Variants in MEGF8 observed in about 807,000 individuals in gnomAD.
MEGF8 encodes the protein multiple EGF like domains 8, also known as multiple epidermal growth factor-like domains protein 8.
MEGF8 carries 156 observed loss-of-function variants against 302.9 expected under a neutral mutation model. The observed-to-expected ratio is 0.52, with a 90% CI of 0.45 to 0.59. MEGF8 has a LOEUF of 0.59. Ranked by LOEUF, MEGF8 falls within the 20% of genes least tolerant of loss-of-function variation. The pLI, the probability that MEGF8 is intolerant of heterozygous loss-of-function variation, is 0.00. For missense variants in MEGF8, 3,345 were observed against 3,964.5 expected (o/e 0.84, Z 4.20); for synonymous variants, 1,621 against 1,660.5 (o/e 0.98, Z 0.58).
chr19:42,337,247 C>G (rs752533241), intron 8 of MEGF8, 41 bp downstream of exon 8: 3 of 1,610,956 alleles, frequency 1.9e-6, no homozygotes, highest in Non-Finnish European at 2.5e-6. Flanking sequence ...CCTGAGGGTC[C>G]CACCTCTCTC....
At chr19:42,363,896 G>A (rs2039568137) in intron 35 of MEGF8, among the ~76,000 whole-genome samples, 1 of 152,170 alleles carries the variant, frequency 6.6e-6, no homozygotes, top group South Asian at 2.1e-4. Context: ...AACACACATG[G>A]CCTCAGATTG....
Position 42,351,200 on chromosome 19 carries a change from C to G in MEGF8, c.2737-16C>G. 1 of 1,550,292 alleles carries G rather than the reference C, an allele frequency of 6.5e-7. No individual in the cohort carries two copies. On this transcript the variant is annotated splice_polypyrimidine_tract_variant and intron_variant, in intron 15 of 41. Transcript: ENST00000251268. The surrounding 1 kb of genome is among the most constrained non-coding windows in gnomAD (Gnocchi z 5.6). ...GCTGAGTGGGGTTCTGACTCCTCTG[C>G]CCAACTGACCCCCAGGACCCCTTCT...
At position 42,360,882 on chromosome 19, in the gene MEGF8, C is replaced by T. The variant is rs761380156; in HGVS notation, c.5596C>T (p.Arg1866Cys). Reference protein sequence around the residue: ...SGGFGGVALGRLLALTLPPDP... With the variant: ...SGGFGGVALGCLLALTLPPDP... ...GGGTTTCGGGGGAGTGGCCCTGGGC[C>T]GCCTGCTGGCACTGACCCTGCCCCC... Residue 1866 changes from arginine to cysteine, a missense_variant, in exon 32 of 42, where the codon CGC becomes TGC. Coordinates refer to ENST00000251268, the MANE Select transcript of MEGF8 (RefSeq NM_001271938.2). 1.4e-5 allele frequency: 23 copies of T among 1,613,348 alleles called. No individual in the cohort carries two copies. The highest frequency in any genetic ancestry group is 2.2e-5 in the East Asian group (1 of 44,896).
chr19:42,370,662 C>G, intron 39 of MEGF8, 39 bp from the exon 40 acceptor site: 1 of 1,576,004 alleles, frequency 6.3e-7, no homozygotes, highest in Non-Finnish European at 8.6e-7. Context: ...GGGGGTTGGT[C>G]CAGGCCTTTC....
chr19:42,337,409 A>G (rs1362808557), intron 8 of MEGF8, among the ~76,000 whole-genome samples: 3 of 152,262 alleles, frequency 2.0e-5, no homozygotes, highest in Admixed American at 6.5e-5. Flanking sequence ...GCAGTATCCA[A>G]TGTGGGTTCC....
At position 42,370,341 on chromosome 19, in the gene MEGF8, C is replaced by T; in HGVS notation, c.6987C>T (p.Tyr2329=). ...LQMSKGEPKK[Y]SLDPEEIENW... is the part of the protein sequence containing the mutation. ...TGTCCAAGGGAGAGCCAAAGAAGTA[C>T]TCACTGGACCCAGAGGAGGTGAAAG... The change falls in exon 39 of 42, where the codon TAC becomes TAT. Residue 2329 remains tyrosine, a synonymous_variant. Transcript: ENST00000251268. 6.3e-7 allele frequency: 1 copy of T among 1,586,260 alleles called. No homozygotes were observed. Among genetic ancestry groups the T allele is most frequent in the Non-Finnish European group, 8.6e-7 (1 of 1,165,884 alleles).
intron 8 of MEGF8, among the ~76,000 whole-genome samples, chr19:42,338,205 C>G (rs1183068849): frequency 1.3e-5 from 2 of 151,128 alleles, no homozygotes; most frequent in African/African-American, 4.9e-5. Flanking sequence ...TTTCATCACC[C>G]AGGTATTAAG....
In MEGF8 at chr19:42,348,463, G is replaced by A. The variant is rs770361673; in HGVS notation, c.2289G>A (p.Thr763=). The A allele has an allele frequency of 7.2e-6, 11 of 1,519,116 alleles. No individual in the cohort carries two copies. Among genetic ancestry groups the A allele is most frequent in the South Asian group, 7.2e-5 (6 of 83,036 alleles). 94.1% of individuals were successfully genotyped at this position (1,519,116 alleles called of 1,614,324 possible). Residue 763 remains threonine (T), a synonymous_variant, in exon 13 of 42, where the codon ACG becomes ACA. Transcript: ENST00000251268. ...CCCGGATGGCCCGTGGCCCTGACAC[G>A]GAGAACATGGTGAGGCCGCCTGGGA... The part of the protein sequence containing the change: ...VLARMARGPD[T]ENMEEVGRWV...
At position 42,359,230 on chromosome 19, in the gene MEGF8, C is replaced by A; in HGVS notation, c.5476C>A (p.Pro1826Thr). The A allele has an allele frequency of 6.4e-7, 1 of 1,570,094 alleles. No homozygotes were observed. The highest frequency in any genetic ancestry group is 1.2e-5 in the South Asian group (1 of 85,878). Residue 1826 changes from proline (P) to threonine (T), a missense_variant, in exon 31 of 42, where the codon CCC becomes ACC. Pro to Thr is a conservative substitution (Grantham distance 38, BLOSUM62 -1). Transcript: ENST00000251268. ...GGTCAACTGCAATGCCTGGCTTCTG[C>A]CCGACCTCACCCGTAAGTCCCCATT... ...YQVNCNAWLL[P>T]DLTRSASVGP...
Position 42,368,990 on chromosome 19 carries a change from A to G in MEGF8, c.6629A>G (p.Tyr2210Cys). The G allele has an allele frequency of 3.7e-6, 6 of 1,613,636 alleles. No individual in the cohort carries two copies. The highest frequency in any genetic ancestry group is 5.1e-6 in the Non-Finnish European group (6 of 1,179,860). ...TATGAGTGCAGCTGCAAGACCGGCTATACCATGGACAAGTGAGGCCGCAGG... is the reference window on the plus strand; with the variant it reads ...TATGAGTGCAGCTGCAAGACCGGCTGTACCATGGACAAGTGAGGCCGCAGG... ...HGYECSCKTGYTMDNMTGLCR... is the reference protein window; with the variant it reads ...HGYECSCKTGCTMDNMTGLCR... Residue 2210 changes from tyrosine (Y) to cysteine (C), a missense_variant, in exon 37 of 42, where the codon TAT (tyrosine) becomes TGT (cysteine). By Grantham distance (194) the Tyr-to-Cys change is radical. Coordinates refer to ENST00000251268, the MANE Select transcript of MEGF8 (RefSeq NM_001271938.2). The surrounding 1 kb of genome is among the most constrained non-coding windows in gnomAD (Gnocchi z 4.9).
chr19:42,358,195 T>A lies in MEGF8; in HGVS notation c.5063T>A (p.Val1688Glu), dbSNP rs1184120440. 3 of 1,602,914 alleles carry A rather than the reference T, an allele frequency of 1.9e-6. No homozygotes were observed. The highest frequency in any genetic ancestry group is 2.6e-6 in the Non-Finnish European group (3 of 1,175,232). ...VYHEATDSLY[V>E]FGGFRFHVEL... ...CACGAGGCCACCGACTCCCTCTACG[T>A]GTTTGGGGGGTTCCGATTCCATGTG... The change falls in exon 29 of 42, where the codon GTG (valine) becomes GAG (glutamate). Residue 1688 changes from valine to glutamate, a missense_variant. Val to Glu is a moderately radical substitution (Grantham distance 121, BLOSUM62 -2). Coordinates refer to ENST00000251268, the MANE Select transcript of MEGF8 (RefSeq NM_001271938.2). This position sits in a 1 kb window ranked among gnomAD's most constrained non-coding sequence, Gnocchi z 4.4.
At position 42,368,753 on chromosome 19, in the gene MEGF8, G is replaced by T. The variant is rs181392880; in HGVS notation, c.6482-90G>T. The stretch of plus-strand genomic sequence containing the variant: ...TAGGGATACTGGGCCAGACCCAGAG[G>T]TGGGGCTCAGAGGAGGCAGGAGGGA... On this transcript the variant is annotated intron_variant, in intron 36 of 41. Coordinates refer to ENST00000251268, the MANE Select transcript of MEGF8 (RefSeq NM_001271938.2). This position sits in a 1 kb window ranked among gnomAD's most constrained non-coding sequence, Gnocchi z 4.9. 1 of 1,557,984 alleles carries T rather than the reference G, an allele frequency of 6.4e-7. No homozygotes were observed. The highest frequency in any genetic ancestry group is 1.2e-5 in the South Asian group (1 of 82,042).
intron 33 of MEGF8, 81 bp downstream of exon 33, chr19:42,362,294 C>T (rs2039543125): frequency 6.2e-7 from 1 of 1,609,260 alleles, no homozygotes; most frequent in Non-Finnish European, 8.5e-7. Context: ...TCAGCTGTCC[C>T]ACCCACCCCA....
chr19:42,336,274 G>T lies in MEGF8; in HGVS notation c.1172G>T (p.Gly391Val). ...PAGGRPPAATGHSMVFHAPSR... is the reference protein window; with the variant it reads ...PAGGRPPAATVHSMVFHAPSR... The stretch of plus-strand genomic sequence containing the variant: ...GGCGGACGGCCCCCTGCTGCCACTG[G>T]CCACTCCATGGTGTTCCATGCCCCC... Residue 391 changes from glycine (G) to valine (V), a missense_variant, in exon 6 of 42, where the codon GGC (glycine) becomes GTC (valine). Gly to Val is a moderately radical substitution (Grantham distance 109). Coordinates refer to ENST00000251268, the MANE Select transcript of MEGF8 (RefSeq NM_001271938.2). The surrounding 1 kb of genome is among the most constrained non-coding windows in gnomAD (Gnocchi z 4.8). 1 of 1,608,064 alleles carries T rather than the reference G, an allele frequency of 6.2e-7. No homozygotes were observed.
Position 42,351,657 on chromosome 19 carries a change from G to C in MEGF8, c.2997G>C (p.Ser999=), listed in dbSNP as rs752338645. The change falls in exon 18 of 42, where the codon TCG becomes TCC. Residue 999 remains serine, a synonymous_variant. Transcript: ENST00000251268. This position sits in a 1 kb window ranked among gnomAD's most constrained non-coding sequence, Gnocchi z 5.6. ...GCRGWDDSVH[S]EPRCRSCDGF... ...CCCTGCCATCCTGCAGTGTACACTCGGAGCCACGGTGCCGGAGCTGCGATG... is the reference window on the plus strand; with the variant it reads ...CCCTGCCATCCTGCAGTGTACACTCCGAGCCACGGTGCCGGAGCTGCGATG... The C allele has an allele frequency of 6.3e-6, 10 of 1,589,920 alleles. No individual in the cohort carries two copies. The East Asian group carries it at 2.1e-4, about 33-fold the overall frequency.
rs1312020324 is a variant in MEGF8 at position 42,370,174 on chromosome 19, G to A, written c.6835-15G>A. On this transcript the variant is annotated splice_polypyrimidine_tract_variant and intron_variant, in intron 38 of 41. Transcript: ENST00000251268. ...ACTCTCCAGCCTCTCTAACTACCCT[G>A]TCCTGGGTTCTCAGGGCAGCCACTG... 2 of 1,606,326 alleles carry A rather than the reference G, an allele frequency of 1.2e-6. No individual in the cohort carries two copies. Among genetic ancestry groups the A allele is most frequent in the Admixed American group, 1.7e-5 (1 of 59,662 alleles).
intron 13 of MEGF8, among the ~76,000 whole-genome samples, chr19:42,348,851 TTG>T (rs1332314488): frequency 6.6e-6 from 1 of 152,230 alleles, no homozygotes; most frequent in Non-Finnish European, 1.5e-5. Flanking sequence ...ATCCGCCACC[TTG>T]GCCTCCCAAA....
At chr19:42,333,889 G>A in intron 2 of MEGF8, 118 bp from the exon 3 acceptor site, 10 of 1,519,728 alleles carry the variant, frequency 6.6e-6, no homozygotes, top group East Asian at 2.3e-5. Context: ...GTGGAGAGAG[G>A]CAAAGGAAGG....
intron 34 of MEGF8, 135 bp downstream of exon 34, chr19:42,362,732 G>A (rs1225494513): frequency 6.6e-6 from 7 of 1,066,666 alleles, no homozygotes; most frequent in Non-Finnish European, 9.5e-6. Context: ...TGGGTCTGAG[G>A]GAGAAGGGGC....
Sources: gnomAD v4.1 joint callset for allele counts (sites outside exome capture counted in the v4.1 genomes callset) on GRCh38, gnomAD v4.1.1 for gene constraint, Gnocchi (gnomAD v3.1) non-coding constraint, MANE v1.5 for transcripts, NCBI Gene and HGNC (gene_info 2026-07-23, HGNC 2026-07-21) for gene names.